Variants in ST13 observed in about 807,000 individuals in gnomAD.
ST13 encodes the protein hsc70-interacting protein.
A neutral mutation model predicts 56.7 loss-of-function variants in ST13; 23 were observed. The observed-to-expected ratio is 0.41, with a 90% CI of 0.29 to 0.57. ST13 has a LOEUF of 0.57. ST13 is among the 20% of genes least tolerant of loss of function. ST13 has a pLI of 0.36. For missense variants in ST13, 369 were observed against 459.9 expected, an observed-to-expected ratio of 0.80 and a Z score of 1.81; for synonymous variants, 132 against 142.4, an observed-to-expected ratio of 0.93 and a Z score of 0.52.
At chr22:40,840,991 A>T (rs1254347860) in intron 4 of ST13, among the ~76,000 whole-genome samples, 1 of 152,078 alleles carries the variant, frequency 6.6e-6, no homozygotes, top group Non-Finnish European at 1.5e-5. Flanking sequence ...TATTAAACCC[A>T]ATCTCCTCAC....
At chr22:40,842,157 A>G (rs946892015) in intron 4 of ST13, among the ~76,000 whole-genome samples, 2 of 152,204 alleles carry the variant, frequency 1.3e-5, no homozygotes, top group Non-Finnish European at 1.5e-5. Flanking sequence ...ACAAACAAAA[A>G]AACACCATGC....
chr22:40,847,669 G>A (rs1026790695), intron 3 of ST13, among the ~76,000 whole-genome samples: 3 of 151,786 alleles, frequency 2.0e-5, no homozygotes, highest in African/African-American at 7.3e-5. Context: ...CAATGAAAAT[G>A]TAAAACCTGA....
chr22:40,848,262 T>C (rs2057842674), intron 3 of ST13, 32 bp downstream of exon 3: 2 of 1,530,438 alleles, frequency 1.3e-6, no homozygotes, highest in African/African-American at 1.4e-5. Context: ...CATCATAGGT[T>C]TTCAAATACA....
intron 1 of ST13, 144 bp downstream of exon 1, chr22:40,856,287 T>C (rs192261735): frequency 0.011 from 7,689 of 704,376 alleles, 51 homozygotes; most frequent in Non-Finnish European, 0.016. Context: ...CGATCTTCCA[T>C]GACCCCTCGA....
intron 10 of ST13, among the ~76,000 whole-genome samples, chr22:40,828,706 A>G (rs1263801216): frequency 6.6e-6 from 1 of 152,210 alleles, no homozygotes; most frequent in Non-Finnish European, 1.5e-5. Flanking sequence ...AAGGAAACAC[A>G]TGATAAAGTC....
intron 5 of ST13, among the ~76,000 whole-genome samples, chr22:40,839,705 A>C (rs974223295): frequency 9.9e-5 from 15 of 150,990 alleles, no homozygotes; most frequent in Non-Finnish European, 2.2e-4. Flanking sequence ...GAGGTTGCAG[A>C]GAGCCGAGAT....
intron 2 of ST13, among the ~76,000 whole-genome samples, chr22:40,849,844 T>C (rs1276518355): frequency 2.6e-5 from 4 of 151,662 alleles, no homozygotes; most frequent in Admixed American, 6.6e-5. Context: ...TAGATAACAA[T>C]GTTTAAGTTT....
At chr22:40,838,592 T>A (rs1257135321) in intron 5 of ST13, among the ~76,000 whole-genome samples, 2 of 147,232 alleles carry the variant, frequency 1.4e-5, no homozygotes, top group Admixed American at 6.7e-5. Flanking sequence ...TGAAACCCTA[T>A]CTCTACCAAA....
At position 40,850,898 on chromosome 22, in the gene ST13, A is replaced by T; in HGVS notation, c.111-18T>A. Reference sequence around the variant, plus strand: ...CACCCATGCTTGAAGAAGATGAGAAAAAAGATATTTGTTTAGAAAATTAAA... The same window carrying T: ...CACCCATGCTTGAAGAAGATGAGAATAAAGATATTTGTTTAGAAAATTAAA... On this transcript the variant is annotated intron_variant, in intron 1 of 11. Coordinates refer to ENST00000216218, the MANE Select transcript of ST13 (RefSeq NM_003932.5). 6.3e-7 allele frequency: 1 copy of T among 1,576,294 alleles called. No homozygotes were observed. The highest frequency in any genetic ancestry group is 8.6e-7 in the Non-Finnish European group (1 of 1,162,502).
intron 8 of ST13, among the ~76,000 whole-genome samples, chr22:40,831,335 CGTGG>C (rs2057753005): frequency 6.6e-6 from 1 of 152,094 alleles, no homozygotes; most frequent in Non-Finnish European, 1.5e-5. Flanking sequence ...GGATGTCTGC[CGTGG>C]GAAGGCAGAG....
At chr22:40,848,920 A>C (rs989475559) in intron 2 of ST13, among the ~76,000 whole-genome samples, 1 of 152,220 alleles carries the variant, frequency 6.6e-6, no homozygotes, top group African/African-American at 2.4e-5. Context: ...TTACAATAAT[A>C]AACAATGAAA....
At chr22:40,853,178 T>C (rs1337305698) in intron 1 of ST13, among the ~76,000 whole-genome samples, 2 of 152,178 alleles carry the variant, frequency 1.3e-5, no homozygotes, top group African/African-American at 4.8e-5. Context: ...ATAGCATAAA[T>C]GCATCAGCAT....
At chr22:40,856,189 C>T (rs1261369317) in intron 1 of ST13, among the ~76,000 whole-genome samples, 2 of 152,270 alleles carry the variant, frequency 1.3e-5, no homozygotes, top group East Asian at 3.9e-4. Context: ...TTGTATTTCG[C>T]CCAAGATACA....
intron 1 of ST13, among the ~76,000 whole-genome samples, chr22:40,851,985 C>T (rs1319627041): frequency 6.6e-6 from 1 of 152,146 alleles, no homozygotes; most frequent in East Asian, 1.9e-4. Context: ...CCTCGTAATC[C>T]GCCAGCCTTG....
chr22:40,831,411 G>A lies in ST13; in HGVS notation c.682-455C>T, dbSNP rs544949982. ...ATTTAAGTTTCTGTATCCATAAAATGGGAGAGGAAGAAATATTTAATATTA... is the reference window on the plus strand; with the variant it reads ...ATTTAAGTTTCTGTATCCATAAAATAGGAGAGGAAGAAATATTTAATATTA... On this transcript the variant is annotated intron_variant, in intron 8 of 11. Transcript: ENST00000216218. Among the ~76,000 whole-genome samples, 11 of 152,272 alleles carry A rather than the reference G, an allele frequency of 7.2e-5. No individual in the cohort carries two copies. In the South Asian group the frequency reaches 2.3e-3, roughly 32 times the overall value.
intron 1 of ST13, among the ~76,000 whole-genome samples, chr22:40,856,011 T>C (rs563921707): frequency 2.0e-4 from 30 of 151,900 alleles, no homozygotes; most frequent in Non-Finnish European, 3.4e-4. Flanking sequence ...ACTAGTGTTA[T>C]ATTATTATAA....
chr22:40,828,428 C>A (rs370809028), intron 10 of ST13, among the ~76,000 whole-genome samples: 1 of 146,678 alleles, frequency 6.8e-6, no homozygotes, highest in Admixed American at 7.0e-5. Context: ...CACGGTGAAA[C>A]CCCGTCTCTA....
intron 5 of ST13, among the ~76,000 whole-genome samples, chr22:40,836,945 A>G (rs1167332816): frequency 6.6e-6 from 1 of 152,124 alleles, no homozygotes; most frequent in Non-Finnish European, 1.5e-5. Context: ...CTTCCTGAGT[A>G]GCTGGGAATA....
intron 8 of ST13, 74 bp from the exon 9 acceptor site, chr22:40,831,030 A>G: frequency 1.0e-6 from 1 of 954,794 alleles, no homozygotes; most frequent in Non-Finnish European, 1.6e-6. Flanking sequence ...TTCTTTGTAG[A>G]GAGATGTTTA....
Sources: allele counts gnomAD v4.1 joint callset (sites outside exome capture counted in the v4.1 genomes callset), GRCh38; gene constraint gnomAD v4.1.1; transcripts MANE v1.5; gene names NCBI Gene and HGNC (gene_info 2026-07-23, HGNC 2026-07-21).